Variants in ARIH2 observed in about 807,000 individuals in gnomAD.
ARIH2 encodes E3 ubiquitin-protein ligase ARIH2.
Under a neutral mutation model 79.8 loss-of-function variants are expected in ARIH2, and 12 were observed. The ratio of observed to expected loss-of-function variants is 0.15; its 90% confidence interval spans 0.10 to 0.24. The LOEUF is 0.24. Ranked by LOEUF, ARIH2 falls within the 10% of genes least tolerant of loss-of-function variation. The probability of loss-of-function intolerance (pLI) is 1.00; values close to 1 mark genes in which losing one functional copy is unlikely to be tolerated. For synonymous variants in ARIH2, 224 were observed against 213.9 expected, an observed-to-expected ratio of 1.05 and a Z score of -0.41; for missense variants, 301 against 618.3, an observed-to-expected ratio of 0.49 and a Z score of 5.44.
chr3:48,966,805 A>G (rs2091829368), intron 5 of ARIH2, among the ~76,000 whole-genome samples: 3 of 152,176 alleles, frequency 2.0e-5, no homozygotes, highest in Non-Finnish European at 1.5e-5. Context: ...AGTGACTTCT[A>G]AGGACCTTGG....
At chr3:48,977,294 TGTTTTGTTTTGTTTC>T (rs985323878) in intron 11 of ARIH2, among the ~76,000 whole-genome samples, 2 of 152,138 alleles carry the variant, frequency 1.3e-5, no homozygotes, top group Non-Finnish European at 2.9e-5. Context: ...TGTGGTTTTT[TGTTTTGTTTTGTTTC>T]GTTTTTTGAG....
At chr3:48,924,388 ATC>A (rs1321758755) in intron 2 of ARIH2, among the ~76,000 whole-genome samples, 1 of 151,644 alleles carries the variant, frequency 6.6e-6, no homozygotes, top group African/African-American at 2.4e-5. Context: ...TGGAGACAGA[ATC>A]TCTCTGTTGC....
chr3:48,978,421 A>ATGTGTGTGTGTGTGTGTGTGTG (rs1188251261), intron 11 of ARIH2, among the ~76,000 whole-genome samples: 1 of 55,760 alleles, frequency 1.8e-5, no homozygotes, highest in Non-Finnish European at 3.4e-5. Flanking sequence ...TAATTTGTGT[A>ATGTGTGTGTGTGTGTGTGTGTG]TGTGTGTGTG....
At chr3:48,967,562 C>T (rs558935727) in intron 6 of ARIH2, among the ~76,000 whole-genome samples, 1 of 152,280 alleles carries the variant, frequency 6.6e-6, no homozygotes, top group Non-Finnish European at 1.5e-5. Context: ...ACCTTGATTC[C>T]ACAAGTGGCA....
At chr3:48,980,902 T>G (rs1441821827) in intron 13 of ARIH2, among the ~76,000 whole-genome samples, 1 of 149,232 alleles carries the variant, frequency 6.7e-6, no homozygotes, top group Non-Finnish European at 1.5e-5. Flanking sequence ...ATGCCTGTAG[T>G]TCCAGCTACT....
At chr3:48,928,605 T>G (rs2085950477) in intron 3 of ARIH2, among the ~76,000 whole-genome samples, 1 of 152,180 alleles carries the variant, frequency 6.6e-6, no homozygotes, top group Non-Finnish European at 1.5e-5. Flanking sequence ...TCTGATTAAA[T>G]TGGAGGTCAA....
At chr3:48,978,484 T>TATATA (rs369771222) in intron 11 of ARIH2, among the ~76,000 whole-genome samples, 2 of 27,984 alleles carry the variant, frequency 7.1e-5, no homozygotes, top group African/African-American at 1.4e-4. Context: ...TATATATATA[T>TATATA]TTTTTTTTTT....
At chr3:48,939,101 G>T (rs180767777) in intron 3 of ARIH2, among the ~76,000 whole-genome samples, 1 of 151,960 alleles carries the variant, frequency 6.6e-6, no homozygotes, top group Admixed American at 6.6e-5. Flanking sequence ...CTGAGTAGCT[G>T]GGACTACAGG....
chr3:48,964,190 C>G (rs1349225833), intron 4 of ARIH2, among the ~76,000 whole-genome samples: 1 of 151,998 alleles, frequency 6.6e-6, no homozygotes, highest in African/African-American at 2.4e-5. Context: ...GCCAACACTC[C>G]CGGATAGGGT....
At chr3:48,938,413 A>G (rs185169061) in intron 3 of ARIH2, among the ~76,000 whole-genome samples, 4 of 152,316 alleles carry the variant, frequency 2.6e-5, no homozygotes, top group Admixed American at 2.0e-4. Context: ...CATACTTCTC[A>G]GCAGTATGAA....
intron 3 of ARIH2, among the ~76,000 whole-genome samples, chr3:48,956,241 C>A (rs1203775468): frequency 1.3e-5 from 2 of 151,436 alleles, no homozygotes; most frequent in African/African-American, 4.9e-5. Flanking sequence ...TGGGTTCAAG[C>A]AATTCTACTG....
intron 9 of ARIH2, 55 bp downstream of exon 9, chr3:48,973,871 C>T (rs1406415319): frequency 1.4e-5 from 19 of 1,354,930 alleles, no homozygotes; most frequent in Non-Finnish European, 2.0e-5. Context: ...CTGCCCAGGG[C>T]CTTGCCTTGG....
intron 3 of ARIH2, chr3:48,934,944 G>T: frequency 1.0e-6 from 1 of 985,184 alleles, no homozygotes. Flanking sequence ...TAATCAAGGG[G>T]TGATACGGTA....
At chr3:48,970,982 G>A (rs536994094) in intron 8 of ARIH2, 6 of 320,462 alleles carry the variant, frequency 1.9e-5, no homozygotes, top group Non-Finnish European at 3.0e-5. Context: ...TGTGTGGGAT[G>A]TATCTGCCTG....
intron 11 of ARIH2, among the ~76,000 whole-genome samples, chr3:48,976,211 C>CTT (rs755997240): frequency 6.6e-5 from 9 of 136,320 alleles, no homozygotes; most frequent in East Asian, 4.2e-4. Context: ...CGAGCCTGTA[C>CTT]TTTTTTTTTT....
intron 4 of ARIH2, among the ~76,000 whole-genome samples, chr3:48,964,053 C>G (rs561749226): frequency 6.6e-6 from 1 of 151,672 alleles, no homozygotes; most frequent in South Asian, 2.1e-4. Context: ...TTTTTAAAGA[C>G]AGAGTCTTGC....
intron 3 of ARIH2, among the ~76,000 whole-genome samples, chr3:48,948,003 C>G (rs1189736910): frequency 6.6e-6 from 1 of 152,216 alleles, no homozygotes; most frequent in Non-Finnish European, 1.5e-5. Context: ...CTCTGTCACC[C>G]AGGCTAGAGT....
intron 3 of ARIH2, among the ~76,000 whole-genome samples, chr3:48,941,907 A>C (rs1281785054): frequency 6.7e-6 from 1 of 149,712 alleles, no homozygotes; most frequent in Admixed American, 6.7e-5. Flanking sequence ...TTTGTTTGAG[A>C]TGAAGTCTCA....
At chr3:48,978,483 A>ATATATTT (rs1288556209) in intron 11 of ARIH2, among the ~76,000 whole-genome samples, 2 of 40,438 alleles carry the variant, frequency 4.9e-5, no homozygotes, top group African/African-American at 1.2e-4. Context: ...ATATATATAT[A>ATATATTT]TTTTTTTTTT....
Sources: gnomAD v4.1 joint callset for allele counts (sites outside exome capture counted in the v4.1 genomes callset) on GRCh38, gnomAD v4.1.1 for gene constraint, MANE v1.5 for transcripts, NCBI Gene and HGNC (gene_info 2026-07-23, HGNC 2026-07-21) for gene names.